TTC19: variants seen among roughly 807,000 people sequenced by gnomAD.
TTC19 encodes the protein tetratricopeptide repeat domain 19.
A neutral mutation model predicts 49.5 loss-of-function variants in TTC19; 38 were observed. The ratio of observed to expected loss-of-function variants is 0.77; its 90% CI spans 0.59 to 1.01. TTC19 has a LOEUF of 1.01. Ranked by LOEUF, TTC19 falls within the 50% of genes least tolerant of loss-of-function variation. TTC19 has a pLI of 0.00. For synonymous variants in TTC19, 204 were observed against 185.2 expected, an observed-to-expected ratio of 1.10 and a Z score of -0.83; for missense variants, 475 against 477.7, an observed-to-expected ratio of 0.99 and a Z score of 0.05.
chr17:16,010,780 C>T (rs1301909327), intron 7 of TTC19, among the ~76,000 whole-genome samples: 1 of 152,150 alleles, frequency 6.6e-6, no homozygotes, highest in African/African-American at 2.4e-5. Flanking sequence ...CCCCTATTTT[C>T]AACTCTTAAC....
chr17:16,008,882 C>T (rs1567579953), intron 7 of TTC19, among the ~76,000 whole-genome samples: 2 of 152,150 alleles, frequency 1.3e-5, no homozygotes, highest in African/African-American at 4.8e-5. Flanking sequence ...ACTCCTCTTT[C>T]CTTTACTTTT....
At chr17:16,040,610 T>C in intron 2 of TTC19, 1 of 905,890 alleles carries the variant, frequency 1.1e-6, no homozygotes, top group Non-Finnish European at 1.7e-6. Flanking sequence ...GATCTCAACC[T>C]TTATTTCTCA....
At chr17:16,019,725 A>G (rs757104255) in intron 7 of TTC19, among the ~76,000 whole-genome samples, 1 of 152,190 alleles carries the variant, frequency 6.6e-6, no homozygotes, top group African/African-American at 2.4e-5. Flanking sequence ...GGGTTATTCT[A>G]TATGTTTTGC....
Position 16,001,914 on chromosome 17 carries a change from G to A in TTC19, c.313-1G>A, listed in dbSNP as rs1170919467. ...TCTATTATTTTGTCTTCCCTTTTCA[G>A]TTGAGCATTATGAAAGATGAGCCAG... is the stretch of plus-strand genomic sequence containing the variant. On this transcript the variant is annotated splice_acceptor_variant, in intron 2 of 9. Coordinates refer to ENST00000261647, the MANE Select transcript of TTC19 (RefSeq NM_017775.4). LOFTEE classifies it high-confidence loss of function. The A allele has an allele frequency of 6.2e-7, 1 of 1,607,780 alleles. No homozygotes were observed. The highest frequency in any genetic ancestry group is 1.7e-5 in the Admixed American group (1 of 60,000).
At chr17:16,002,689 A>G in intron 3 of TTC19, 104 bp from the exon 4 acceptor site, 2 of 1,069,426 alleles carry the variant, frequency 1.9e-6, no homozygotes, top group South Asian at 1.3e-5. Flanking sequence ...ATTTTCAACT[A>G]TTTTTTAAAT....
intron 2 of TTC19, chr17:16,039,493 T>C (rs770888727): frequency 6.2e-7 from 1 of 1,614,078 alleles, no homozygotes; most frequent in Non-Finnish European, 8.5e-7. Flanking sequence ...ACAACTGAGG[T>C]GTTGGCAGTA....
At position 16,027,671 on chromosome 17, in the gene TTC19, A is replaced by G. The variant is rs1408008534; in HGVS notation, c.*149A>G. 1 of 871,280 alleles carries G rather than the reference A, an allele frequency of 1.1e-6. No homozygotes were observed. Among genetic ancestry groups the G allele is most frequent in the Admixed American group, 2.0e-5 (1 of 50,434 alleles). 54.0% of individuals were successfully genotyped at this position (871,280 alleles called of 1,614,324 possible). ...AGCCTTAGTGAAGGAGGGGTTGTAC[A>G]CACTGCCATTTTTGTATTTTAAAGG... On this transcript the variant is annotated 3_prime_UTR_variant, in exon 10 of 10. Transcript: ENST00000261647.
chr17:16,018,696 C>T lies in TTC19; in HGVS notation c.677-6321C>T, dbSNP rs555155423. On this transcript the variant is annotated intron_variant, in intron 7 of 9. Transcript: ENST00000261647. ...TAATTTCCGGATTTTTTCATAGAGG[C>T]GGAGTTTCACCATCTTGCCCAGGCT... 9.2e-5 allele frequency among the ~76,000 whole-genome samples: 14 copies of T among 152,016 alleles called. No homozygotes were observed. The East Asian group carries it at 1.5e-3, about 17-fold the overall frequency.
At chr17:16,009,170 C>T (rs1052562114) in intron 7 of TTC19, among the ~76,000 whole-genome samples, 4 of 152,228 alleles carry the variant, frequency 2.6e-5, no homozygotes, top group East Asian at 1.9e-4. Context: ...AGGAAATCCA[C>T]AAGAGGTGTA....
At chr17:16,018,919 T>C (rs1971290618) in intron 7 of TTC19, among the ~76,000 whole-genome samples, 1 of 152,206 alleles carries the variant, frequency 6.6e-6, no homozygotes, top group Non-Finnish European at 1.5e-5. Flanking sequence ...TTTTACCATA[T>C]TTGCTTTAGA....
At chr17:16,021,090 TAAA>T (rs1971366096) in intron 7 of TTC19, among the ~76,000 whole-genome samples, 1 of 152,040 alleles carries the variant, frequency 6.6e-6, no homozygotes, top group South Asian at 2.1e-4. Flanking sequence ...GATACAGATA[TAAA>T]TAAAAGAAAG....
chr17:16,019,346 AC>A (rs1971302939), intron 7 of TTC19, among the ~76,000 whole-genome samples: 1 of 152,256 alleles, frequency 6.6e-6, no homozygotes, highest in Non-Finnish European at 1.5e-5. Flanking sequence ...AAACAAAAAA[AC>A]AATATACAAT....
In TTC19 at chr17:16,034,859, C is replaced by T. The variant is rs747092561; in HGVS notation, c.247+8157C>T. 2.5e-6 allele frequency: 4 copies of T among 1,613,990 alleles called. No homozygotes were observed. In the Admixed American group the frequency reaches 5.0e-5, roughly 20 times the overall value. The stretch of plus-strand genomic sequence containing the variant: ...CAGAGGAGACTGAAGAGGGCCGTTC[C>T]GTTCCTAAGTAGCCTTGCCCAGGTA... On this transcript the variant is annotated intron_variant, in intron 2 of 2. Coordinates refer to the TTC19 transcript ENST00000470649.
At chr17:16,041,404 C>CTTTTTTTTTTTTT (rs3031059) in intron 2 of TTC19, 3 of 103,780 alleles carry the variant, frequency 2.9e-5, no homozygotes, top group African/African-American at 3.7e-5. Context: ...TGTGAAAGTT[C>CTTTTTTTTTTTTT]TTTTTTTTTT....
intron 9 of TTC19, 74 bp from the exon 10 acceptor site, chr17:16,027,300 C>T: frequency 6.4e-7 from 1 of 1,566,084 alleles, no homozygotes; most frequent in Admixed American, 1.7e-5. Context: ...TATCTGCATT[C>T]ATGCTCTCTC....
intron 2 of TTC19, among the ~76,000 whole-genome samples, chr17:16,038,430 C>T (rs2056868378): frequency 7.7e-6 from 1 of 130,690 alleles, no homozygotes; most frequent in African/African-American, 3.0e-5. Flanking sequence ...TCCCTTTTTC[C>T]TACTCTTTTT....
At chr17:16,044,556 G>A (rs1446133546) in exon 3 of TTC19, 1 of 508,340 alleles carries the variant, frequency 2.0e-6, no homozygotes, top group Non-Finnish European at 4.0e-6. Context: ...GTTGGGATGA[G>A]GCCCTCACTT....
intron 7 of TTC19, 28 bp from the exon 8 acceptor site, chr17:16,024,989 G>C: frequency 6.2e-7 from 1 of 1,613,024 alleles, no homozygotes; most frequent in East Asian, 2.2e-5. Flanking sequence ...CATTTGGGTA[G>C]ATTTGCTGAT....
intron 2 of TTC19, among the ~76,000 whole-genome samples, chr17:16,037,278 A>G (rs575749673): frequency 6.6e-6 from 1 of 152,304 alleles, no homozygotes; most frequent in Admixed American, 6.5e-5. Flanking sequence ...CATCACAGAG[A>G]TAATAATCAT....
Sources: gnomAD v4.1 joint callset for allele counts (sites outside exome capture counted in the v4.1 genomes callset) on GRCh38, gnomAD v4.1.1 for gene constraint, MANE v1.5 for transcripts, NCBI Gene and HGNC (gene_info 2026-07-23, HGNC 2026-07-21) for gene names.